The following PCDHGA6 variants were observed in gnomAD, a reference collection of about 807,000 sequenced individuals.
The protein encoded by PCDHGA6 is protocadherin gamma-A6.
In PCDHGA6, 41 loss-of-function variants were observed where a neutral mutation model predicts 60.6. That is an observed-to-expected ratio of 0.68 (90% CI 0.53 to 0.88). The LOEUF is 0.88. PCDHGA6 is among the 40% of genes least tolerant of loss of function. PCDHGA6 has a pLI of 0.00. For synonymous variants in PCDHGA6, 594 were observed against 524.4 expected (o/e 1.13, Z -1.81); for missense variants, 1,312 against 1,203.0 (o/e 1.09, Z -1.34).
At position 141,410,845 on chromosome 5, in the gene PCDHGA6, TTGTC is replaced by T. The variant is rs1434874838; in HGVS notation, c.2424+34340_2424+34343del. 23 of 429,726 alleles carry T rather than the reference TTGTC, an allele frequency of 5.4e-5. 1 individual carries two copies. Among genetic ancestry groups the T allele is most frequent in the Admixed American group, 8.8e-5 (2 of 22,654 alleles). The allele number at this position is 429,726 out of a possible 1,614,324, so 26.6% of individuals were successfully genotyped here. A position where few individuals can be genotyped will look rare whatever the true frequency, so the allele number is the denominator to read the frequency against. Reference sequence around the variant, plus strand: ...TCACCAGACTGAAGATATTTTGTCTTTGTCTTTTTTTTTTTTTTTTTTTTTTGAG... The same window carrying T: ...TCACCAGACTGAAGATATTTTGTCTTTTTTTTTTTTTTTTTTTTTTTTGAG... On this transcript the variant is annotated intron_variant, in intron 1 of 3. Transcript: ENST00000517434.
intron 1 of PCDHGA6, chr5:141,393,024 A>G (rs755325492): frequency 6.2e-7 from 1 of 1,613,834 alleles, no homozygotes; most frequent in East Asian, 2.2e-5. Context: ...CTCCAGAGGT[A>G]GGACGCAGCT....
chr5:141,486,659 G>A lies in PCDHGA6; in HGVS notation c.2425-8148G>A, dbSNP rs758578821. The stretch of plus-strand genomic sequence containing the variant: ...TGCGCTTATCTCCTACTCACTCCTG[G>A]AGCCCAGGAATCGAGATGTATCAGC... On this transcript the variant is annotated intron_variant, in intron 1 of 3. Transcript: ENST00000517434. This position sits in a 1 kb window ranked among gnomAD's most constrained non-coding sequence, Gnocchi z 5.0. 5.0e-6 allele frequency: 8 copies of A among 1,613,944 alleles called. No homozygotes were observed. Among genetic ancestry groups the A allele is most frequent in the Middle Eastern group, 1.6e-4 (1 of 6,062 alleles).
At chr5:141,409,516 C>T (rs1303826331) in intron 1 of PCDHGA6, 6 of 1,614,006 alleles carry the variant, frequency 3.7e-6, no homozygotes, top group South Asian at 1.1e-5. Context: ...GTAGAAGCAT[C>T]ACCTTGTATG....
In PCDHGA6 at chr5:141,432,571, G is replaced by C; in HGVS notation, c.2424+56064G>C. On this transcript the variant is annotated intron_variant, in intron 1 of 3. Transcript: ENST00000517434. The surrounding 1 kb of genome is among the most constrained non-coding windows in gnomAD (Gnocchi z 6.0). ...GAGACTCCGGCCAGAACGCCTGGCT[G>C]TCCTACCGTCTGCTCAAGGCCAGCG... The C allele has an allele frequency of 6.2e-7, 1 of 1,613,954 alleles. No individual in the cohort carries two copies. The highest frequency in any genetic ancestry group is 8.5e-7 in the Non-Finnish European group (1 of 1,179,992).
intron 1 of PCDHGA6, among the ~76,000 whole-genome samples, chr5:141,462,678 T>G (rs923728894): frequency 1.3e-5 from 2 of 152,210 alleles, no homozygotes; most frequent in South Asian, 4.1e-4. Flanking sequence ...TTCTTTAAAT[T>G]TTTGAGCACA....
intron 1 of PCDHGA6, chr5:141,428,599 A>G (rs1324155257): frequency 8.9e-6 from 2 of 223,902 alleles, no homozygotes; most frequent in Non-Finnish European, 1.8e-5. Context: ...AGCAAGCTTC[A>G]CTGAAGAGAA....
intron 1 of PCDHGA6, chr5:141,393,233 A>T (rs756421828): frequency 2.7e-5 from 44 of 1,613,664 alleles, no homozygotes; most frequent in Non-Finnish European, 3.4e-5. Context: ...ATCTAGAAGT[A>T]AAAATTAACG....
chr5:141,490,111 A>G lies in PCDHGA6; in HGVS notation c.2425-4696A>G. 6.2e-7 allele frequency: 1 copy of G among 1,614,244 alleles called. No individual in the cohort carries two copies. The highest frequency in any genetic ancestry group is 8.5e-7 in the Non-Finnish European group (1 of 1,180,042). On this transcript the variant is annotated intron_variant, in intron 1 of 3. Coordinates refer to ENST00000517434, the MANE Select transcript of PCDHGA6 (RefSeq NM_018919.3). The surrounding 1 kb of genome is among the most constrained non-coding windows in gnomAD (Gnocchi z 5.4). ...AGACCACACATCTGAGGCAGTGCGGAACCTCTTTGGCCTAGACCCTAGCAG... is the reference window on the plus strand; with the variant it reads ...AGACCACACATCTGAGGCAGTGCGGGACCTCTTTGGCCTAGACCCTAGCAG...
In PCDHGA6 at chr5:141,485,872, G is replaced by A; in HGVS notation, c.2425-8935G>A. ...CCGCAGAGCTCCGGGTATCCGTGCT[G>A]GACGTAAACGACAACGCCCCAGCCT... On this transcript the variant is annotated intron_variant, in intron 1 of 3. Transcript: ENST00000517434. The surrounding 1 kb of genome is among the most constrained non-coding windows in gnomAD (Gnocchi z 5.7). 1 of 1,614,170 alleles carries A rather than the reference G, an allele frequency of 6.2e-7. No homozygotes were observed. The highest frequency in any genetic ancestry group is 2.2e-5 in the East Asian group (1 of 44,876).
rs1467125550 is a variant in PCDHGA6 at position 141,511,799 on chromosome 5, T to G, written c.*626T>G. 6.4e-6 allele frequency: 1 copy of G among 157,228 alleles called. No homozygotes were observed. The highest frequency in any genetic ancestry group is 1.4e-5 in the Non-Finnish European group (1 of 70,874). 9.7% of individuals were successfully genotyped at this position (157,228 alleles called of 1,614,324 possible). ...TGCTTGCTGGATTTAGGGAGGGCAT[T>G]TTGCTACCAAGCCTCTTCCCAACGC... On this transcript the variant is annotated 3_prime_UTR_variant, in exon 4 of 4. Coordinates refer to ENST00000517434, the MANE Select transcript of PCDHGA6 (RefSeq NM_018919.3).
intron 1 of PCDHGA6, chr5:141,388,709 C>T (rs370023698): frequency 1.9e-6 from 3 of 1,613,820 alleles, no homozygotes; most frequent in Admixed American, 3.3e-5. Context: ...GTGTCAATGC[C>T]GAGATTACTT....
At position 141,477,004 on chromosome 5, in the gene PCDHGA6, C is replaced by T. The variant is rs1390668803; in HGVS notation, c.2425-17803C>T. On this transcript the variant is annotated intron_variant, in intron 1 of 3. Coordinates refer to ENST00000517434, the MANE Select transcript of PCDHGA6 (RefSeq NM_018919.3). The surrounding 1 kb of genome is among the most constrained non-coding windows in gnomAD (Gnocchi z 4.9). ...GCGCCGGCGTGCGGCAACTATTCGC[C>T]TTAGACCTTGTAACCGGGATGCTGA... is the stretch of plus-strand genomic sequence containing the variant. 3 of 1,614,236 alleles carry T rather than the reference C, an allele frequency of 1.9e-6. No homozygotes were observed. The highest frequency in any genetic ancestry group is 2.5e-6 in the Non-Finnish European group (3 of 1,180,042).
At chr5:141,416,132 A>C in intron 1 of PCDHGA6, 1 of 154,082 alleles carries the variant, frequency 6.5e-6, no homozygotes, top group Non-Finnish European at 1.4e-5. Context: ...ATATTTTTCA[A>C]TCTATACTTT....
Position 141,428,007 on chromosome 5 carries a change from A to T in PCDHGA6, c.2424+51500A>T, listed in dbSNP as rs770851074. 9.4e-6 allele frequency: 15 copies of T among 1,602,018 alleles called. No individual in the cohort carries two copies. In the African/African-American group the frequency reaches 1.5e-4, roughly 16 times the overall value. ...GCCCGATGGCTCCGCACTCTTCGAT[A>T]TAGTGCCACGCGCCGCAGAGTCCGG... On this transcript the variant is annotated intron_variant, in intron 1 of 3. Coordinates refer to ENST00000517434, the MANE Select transcript of PCDHGA6 (RefSeq NM_018919.3).
chr5:141,384,586 C>T lies in PCDHGA6; in HGVS notation c.2424+8079C>T, dbSNP rs747814318. ...CCAGAATGACAACCCGCCCGAGATC[C>T]TGTACCCGGCCCTCCCCACAGATGG... On this transcript the variant is annotated intron_variant, in intron 1 of 3. Transcript: ENST00000517434. The T allele has an allele frequency of 2.5e-6, 4 of 1,614,274 alleles. No homozygotes were observed. In the South Asian group the frequency reaches 4.4e-5, roughly 18 times the overall value.
At chr5:141,398,775 C>T in intron 1 of PCDHGA6, 1 of 1,613,926 alleles carries the variant, frequency 6.2e-7, no homozygotes, top group African/African-American at 1.3e-5. Flanking sequence ...CTGCCTTGGA[C>T]GGTGGACATC....
intron 3 of PCDHGA6, 61 bp downstream of exon 3, chr5:141,505,542 A>C: frequency 2.6e-5 from 42 of 1,604,950 alleles, no homozygotes; most frequent in Non-Finnish European, 3.2e-5. Flanking sequence ...GGTGCATCTC[A>C]CAGCCACCAT....
In PCDHGA6 at chr5:141,486,828, G is replaced by T. The variant is rs140257646; in HGVS notation, c.2425-7979G>T. ...CCCCTTAGCAGCACTGTAACAGTTC[G>T]TCTATTTGTGCTGGACCTCAATGAC... On this transcript the variant is annotated intron_variant, in intron 1 of 3. Coordinates refer to ENST00000517434, the MANE Select transcript of PCDHGA6 (RefSeq NM_018919.3). This position sits in a 1 kb window ranked among gnomAD's most constrained non-coding sequence, Gnocchi z 5.0. The T allele has an allele frequency of 8.7e-6, 14 of 1,614,218 alleles. No homozygotes were observed. The highest frequency in any genetic ancestry group is 1.2e-5 in the Non-Finnish European group (14 of 1,180,042).
intron 1 of PCDHGA6, among the ~76,000 whole-genome samples, chr5:141,448,287 C>G (rs1394399947): frequency 6.6e-6 from 1 of 152,130 alleles, no homozygotes; most frequent in Non-Finnish European, 1.5e-5. Flanking sequence ...GCAACTTGCT[C>G]TTTCCACTTA....
Sources: allele counts gnomAD v4.1 joint callset (sites outside exome capture counted in the v4.1 genomes callset), GRCh38; gene constraint gnomAD v4.1.1; non-coding constraint Gnocchi (gnomAD v3.1); transcripts MANE v1.5; gene names NCBI Gene and HGNC (gene_info 2026-07-23, HGNC 2026-07-21).